RAP1A: variants seen among roughly 807,000 people sequenced by gnomAD.
RAP1A encodes the protein RAP1A, member of RAS oncogene family.
RAP1A carries 6 observed loss-of-function variants against 26.4 expected under a neutral mutation model. The observed-to-expected ratio is 0.23, with a 90% CI of 0.12 to 0.45. The LOEUF is 0.45. Among genes scored for constraint, RAP1A ranks in the 20% least tolerant of loss-of-function variants. RAP1A has a pLI of 0.99. For synonymous variants in RAP1A, 73 were observed against 79.4 expected (o/e 0.92, Z 0.43); for missense variants, 121 against 217.2 (o/e 0.56, Z 2.78).
intron 2 of RAP1A, among the ~76,000 whole-genome samples, chr1:111,692,715 A>G (rs1390806498): frequency 6.6e-6 from 1 of 152,162 alleles, no homozygotes; most frequent in East Asian, 1.9e-4. Flanking sequence ...GATATCCAAG[A>G]TACATTATTA....
chr1:111,548,181 T>C (rs1462093801), intron 1 of RAP1A, among the ~76,000 whole-genome samples: 2 of 152,164 alleles, frequency 1.3e-5, no homozygotes, highest in Non-Finnish European at 2.9e-5. Flanking sequence ...CCACCACACC[T>C]GGCTAATTTT....
intron 1 of RAP1A, chr1:111,600,106 A>C (rs1223693871): frequency 6.6e-6 from 1 of 152,396 alleles, no homozygotes; most frequent in Non-Finnish European, 1.5e-5. Flanking sequence ...CTGCAGAACC[A>C]CAAGCCAAAA....
chr1:111,692,020 T>C (rs372682239), intron 2 of RAP1A, among the ~76,000 whole-genome samples: 1 of 152,168 alleles, frequency 6.6e-6, no homozygotes, highest in Admixed American at 6.5e-5. Context: ...AGAGTGGATG[T>C]GGGAGACAAA....
At chr1:111,561,454 G>A (rs954294703) in intron 1 of RAP1A, among the ~76,000 whole-genome samples, 2 of 152,160 alleles carry the variant, frequency 1.3e-5, no homozygotes. Flanking sequence ...GGATCTGGTG[G>A]CCAGCTGGCA....
In RAP1A at chr1:111,563,924, T is replaced by G. The variant is rs1303099769; in HGVS notation, c.-28+21415T>G. On this transcript the variant is annotated intron_variant, in intron 1 of 7. Coordinates refer to the RAP1A transcript ENST00000356415. ...GCTTTCCCACCTGGCCTCCTTCTGC[T>G]CAATGGGTCCTGCTGGAGACCCTTC... The G allele has an allele frequency of 1.9e-6, 3 of 1,613,928 alleles. No homozygotes were observed. In the African/African-American group the frequency reaches 4.0e-5, roughly 22 times the overall value.
chr1:111,584,453 A>C (rs187953560), intron 1 of RAP1A, among the ~76,000 whole-genome samples: 1 of 152,236 alleles, frequency 6.6e-6, no homozygotes, highest in Non-Finnish European at 1.5e-5. Context: ...GCCTTCTGTG[A>C]GTCCTTACAA....
chr1:111,629,175 G>A (rs1659491134), intron 1 of RAP1A, among the ~76,000 whole-genome samples: 1 of 152,090 alleles, frequency 6.6e-6, no homozygotes, highest in African/African-American at 2.4e-5. Flanking sequence ...TTGTTAAGCA[G>A]CTTCTAAGTA....
In RAP1A at chr1:111,619,885, G is replaced by T; in HGVS notation, c.-77G>T. The T allele has an allele frequency of 2.5e-6, 1 of 394,918 alleles. No individual in the cohort carries two copies. The highest frequency in any genetic ancestry group is 3.6e-5 in the East Asian group (1 of 27,918). 24.5% of individuals were successfully genotyped at this position (394,918 alleles called of 1,614,324 possible). A position where few individuals can be genotyped will look rare whatever the true frequency, so the allele number is the denominator to read the frequency against. ...CGGCCGAGAGGAGGGAGGAGGAGGA[G>T]GAGGAGGTGGAGGAGGTGGAGGAGG... On this transcript the variant is annotated 5_prime_UTR_variant, in exon 1 of 8. In the 5' UTR this introduces an upstream ATG that the reference lacks. Coordinates refer to ENST00000369709, the MANE Select transcript of RAP1A (RefSeq NM_002884.4).
intron 1 of RAP1A, among the ~76,000 whole-genome samples, chr1:111,593,023 G>GA (rs1250257643): frequency 1.3e-5 from 2 of 152,026 alleles, no homozygotes; most frequent in African/African-American, 4.8e-5. Context: ...GGGAGAGAGA[G>GA]AAAAAATAGA....
At chr1:111,586,380 A>C (rs559090560) in intron 1 of RAP1A, among the ~76,000 whole-genome samples, 1 of 152,278 alleles carries the variant, frequency 6.6e-6, no homozygotes, top group South Asian at 2.1e-4. Flanking sequence ...GTCAAAAAAC[A>C]ACCAGGAACC....
chr1:111,645,324 A>G (rs1349857561), intron 1 of RAP1A, among the ~76,000 whole-genome samples: 1 of 152,202 alleles, frequency 6.6e-6, no homozygotes, highest in Non-Finnish European at 1.5e-5. Context: ...GACTTTAGGA[A>G]AAAAGATCAT....
At chr1:111,696,350 C>A (rs1374072753) in intron 3 of RAP1A, among the ~76,000 whole-genome samples, 1 of 152,172 alleles carries the variant, frequency 6.6e-6, no homozygotes, top group Non-Finnish European at 1.5e-5. Context: ...TTTGTTAGTT[C>A]ATGAAGGACT....
intron 1 of RAP1A, among the ~76,000 whole-genome samples, chr1:111,649,905 C>T (rs1205755894): frequency 6.6e-6 from 1 of 152,054 alleles, no homozygotes; most frequent in Non-Finnish European, 1.5e-5. Context: ...TTTCATTCCT[C>T]TGTTAGGCTT....
chr1:111,553,481 A>T (rs74112329), intron 1 of RAP1A, among the ~76,000 whole-genome samples: 4,121 of 152,318 alleles, frequency 0.027, 175 homozygotes, highest in African/African-American at 0.093. Flanking sequence ...CAACAGGATA[A>T]CTTTTTAGCT....
intron 1 of RAP1A, among the ~76,000 whole-genome samples, chr1:111,653,560 T>A (rs1246750876): frequency 6.6e-6 from 1 of 151,800 alleles, no homozygotes; most frequent in Non-Finnish European, 1.5e-5. Context: ...GGCACATGCC[T>A]GTAATCCCAG....
At chr1:111,598,999 TAA>T (rs1366591190) in intron 1 of RAP1A, among the ~76,000 whole-genome samples, 1 of 152,010 alleles carries the variant, frequency 6.6e-6, no homozygotes, top group Non-Finnish European at 1.5e-5. Context: ...TGGTATATTA[TAA>T]AGGATATTAC....
At chr1:111,688,721 G>C (rs1279662764) in intron 1 of RAP1A, among the ~76,000 whole-genome samples, 1 of 150,978 alleles carries the variant, frequency 6.6e-6, no homozygotes, top group Non-Finnish European at 1.5e-5. Context: ...TGATTATTGT[G>C]CCTCGTTGTG....
At chr1:111,655,374 G>A (rs1557880098) in intron 1 of RAP1A, among the ~76,000 whole-genome samples, 1 of 150,760 alleles carries the variant, frequency 6.6e-6, no homozygotes, top group East Asian at 1.9e-4. Flanking sequence ...TTAATAAATA[G>A]AACAGACTGC....
At chr1:111,660,541 C>T (rs1012337405) in intron 1 of RAP1A, among the ~76,000 whole-genome samples, 2 of 152,162 alleles carry the variant, frequency 1.3e-5, no homozygotes, top group African/African-American at 4.8e-5. Context: ...CCAATTCTTA[C>T]TACCTGCACT....
Sources: allele counts gnomAD v4.1 joint callset (sites outside exome capture counted in the v4.1 genomes callset), GRCh38; gene constraint gnomAD v4.1.1; transcripts MANE v1.5; gene names NCBI Gene and HGNC (gene_info 2026-07-23, HGNC 2026-07-21).